Variants in SGPP2 observed in about 807,000 individuals in gnomAD.
SGPP2 encodes the protein sphingosine-1-phosphate phosphatase 2.
SGPP2 carries 30 observed loss-of-function variants against 33.9 expected under a neutral mutation model. The ratio of observed to expected loss-of-function variants is 0.89; its 90% CI spans 0.66 to 1.20. The LOEUF is 1.20. Ranked by LOEUF, SGPP2 falls within the 50% of genes most tolerant of loss-of-function variation. SGPP2 has a pLI of 0.00. For missense variants in SGPP2, 458 were observed against 532.1 expected, an observed-to-expected ratio of 0.86 and a Z score of 1.37; for synonymous variants, 233 against 225.0, an observed-to-expected ratio of 1.04 and a Z score of -0.32.
intron 2 of SGPP2, among the ~76,000 whole-genome samples, chr2:222,508,210 A>T (rs1477940950): frequency 3.3e-5 from 5 of 152,234 alleles, no homozygotes. Context: ...GATCTAAAGA[A>T]TTAAGATAAT....
At chr2:222,545,213 T>A (rs1689166166) in intron 4 of SGPP2, among the ~76,000 whole-genome samples, 2 of 152,134 alleles carry the variant, frequency 1.3e-5, no homozygotes, top group Admixed American at 6.5e-5. Flanking sequence ...TTTTCTTTTT[T>A]AAAAACAGAA....
intron 4 of SGPP2, among the ~76,000 whole-genome samples, chr2:222,526,645 A>G (rs1164899073): frequency 6.6e-6 from 1 of 152,242 alleles, no homozygotes; most frequent in Non-Finnish European, 1.5e-5. Flanking sequence ...TAGACTGGAT[A>G]AAGAAAATGT....
intron 2 of SGPP2, among the ~76,000 whole-genome samples, chr2:222,517,933 A>G (rs1181536002): frequency 3.9e-5 from 6 of 152,208 alleles, no homozygotes; most frequent in African/African-American, 1.4e-4. Context: ...ATATGTACAC[A>G]TACTCATAGA....
intron 4 of SGPP2, 129 bp from the exon 5 acceptor site, chr2:222,558,218 T>C: frequency 2.9e-6 from 3 of 1,020,560 alleles, no homozygotes; most frequent in Non-Finnish European, 4.3e-6. Context: ...TCTTTGAACA[T>C]GTACTGTAAA....
intron 1 of SGPP2, among the ~76,000 whole-genome samples, chr2:222,470,868 G>A (rs1490227212): frequency 6.6e-6 from 1 of 152,136 alleles, no homozygotes; most frequent in Non-Finnish European, 1.5e-5. Flanking sequence ...CTATTGGATT[G>A]TATATTTGTA....
At chr2:222,435,259 GT>G (rs886930488) in intron 1 of SGPP2, among the ~76,000 whole-genome samples, 3 of 152,078 alleles carry the variant, frequency 2.0e-5, no homozygotes, top group African/African-American at 7.2e-5. Flanking sequence ...AGGCTGGGAA[GT>G]TAGGCCAGTC....
At chr2:222,499,302 C>A (rs1324906354) in intron 2 of SGPP2, among the ~76,000 whole-genome samples, 1 of 152,194 alleles carries the variant, frequency 6.6e-6, no homozygotes, top group Non-Finnish European at 1.5e-5. Flanking sequence ...GTGTGATCAA[C>A]CACCCCTCCT....
intron 2 of SGPP2, among the ~76,000 whole-genome samples, chr2:222,486,650 C>T (rs1017129646): frequency 1.6e-4 from 24 of 152,144 alleles, no homozygotes; most frequent in South Asian, 6.2e-4. Flanking sequence ...TATTCTTGAG[C>T]GAAGTGTAGG....
chr2:222,503,421 A>G (rs1698396499), intron 2 of SGPP2, among the ~76,000 whole-genome samples: 1 of 152,186 alleles, frequency 6.6e-6, no homozygotes, highest in Non-Finnish European at 1.5e-5. Context: ...GTATAGGTTC[A>G]CTTTCTTTCA....
intron 1 of SGPP2, among the ~76,000 whole-genome samples, chr2:222,440,054 G>T (rs772313294): frequency 1.5e-4 from 23 of 152,164 alleles, no homozygotes; most frequent in South Asian, 4.1e-4. Context: ...AATCAATACT[G>T]CCTTATAAAA....
chr2:222,459,695 G>A (rs969151303), intron 1 of SGPP2, among the ~76,000 whole-genome samples: 8 of 151,964 alleles, frequency 5.3e-5, no homozygotes, highest in South Asian at 2.1e-4. Flanking sequence ...AGAGGCTCCC[G>A]GAACATGAAC....
chr2:222,523,815 G>A (rs1004053715), intron 3 of SGPP2, among the ~76,000 whole-genome samples: 1 of 152,046 alleles, frequency 6.6e-6, no homozygotes, highest in Non-Finnish European at 1.5e-5. Context: ...TGAGGCTGCT[G>A]CCCACACTCT....
intron 4 of SGPP2, among the ~76,000 whole-genome samples, chr2:222,549,866 T>C (rs1195198071): frequency 6.6e-6 from 1 of 150,554 alleles, no homozygotes; most frequent in African/African-American, 2.4e-5. Context: ...TGTATGCTTT[T>C]TCTTTTCTTT....
chr2:222,529,380 G>C (rs1042903230), intron 4 of SGPP2, among the ~76,000 whole-genome samples: 4 of 151,952 alleles, frequency 2.6e-5, no homozygotes, highest in Non-Finnish European at 5.9e-5. Context: ...TGTCACCCAG[G>C]CTGGAGTGCA....
At chr2:222,547,639 C>T (rs946668065) in intron 4 of SGPP2, among the ~76,000 whole-genome samples, 4 of 152,062 alleles carry the variant, frequency 2.6e-5, no homozygotes, top group East Asian at 1.9e-4. Context: ...ATTATCACAT[C>T]GAGAAACATA....
chr2:222,520,062 C>T (rs1429899783), intron 2 of SGPP2, among the ~76,000 whole-genome samples: 1 of 152,188 alleles, frequency 6.6e-6, no homozygotes, highest in East Asian at 1.9e-4. Context: ...AACAGTAGCT[C>T]TGATTTTAAG....
chr2:222,509,798 G>A (rs1574868787), intron 2 of SGPP2, among the ~76,000 whole-genome samples: 1 of 152,114 alleles, frequency 6.6e-6, no homozygotes, highest in South Asian at 2.1e-4. Context: ...ACCTTTTAAA[G>A]TATACAATTC....
At chr2:222,544,946 T>G (rs1379071229) in intron 4 of SGPP2, among the ~76,000 whole-genome samples, 1 of 152,200 alleles carries the variant, frequency 6.6e-6, no homozygotes, top group African/African-American at 2.4e-5. Context: ...ATAAAGCTAT[T>G]TTTATTTAAT....
intron 4 of SGPP2, among the ~76,000 whole-genome samples, chr2:222,541,326 A>G (rs1345080402): frequency 2.0e-5 from 3 of 152,214 alleles, no homozygotes; most frequent in Non-Finnish European, 4.4e-5. Flanking sequence ...CAGAGGGAAG[A>G]CTGCTTGCAA....
Sources: allele counts gnomAD v4.1 joint callset (sites outside exome capture counted in the v4.1 genomes callset), GRCh38; gene constraint gnomAD v4.1.1; transcripts MANE v1.5; gene names NCBI Gene and HGNC (gene_info 2026-07-23, HGNC 2026-07-21).